GRIP1: variants seen among roughly 807,000 people sequenced by gnomAD.
GRIP1 encodes glutamate receptor-interacting protein 1.
Under a neutral mutation model 129.9 loss-of-function variants are expected in GRIP1, and 45 were observed. The ratio of observed to expected loss-of-function variants is 0.35; its 90% confidence interval spans 0.27 to 0.44. GRIP1 has a LOEUF of 0.44. Ranked by LOEUF, GRIP1 falls within the 20% of genes least tolerant of loss-of-function variation. GRIP1 has a pLI of 1.00. For synonymous variants in GRIP1, 530 were observed against 520.8 expected (o/e 1.02, Z -0.24); for missense variants, 1,196 against 1,396.8 (o/e 0.86, Z 2.29).
At chr12:66,971,947 G>A (rs995341118) in intron 1 of GRIP1, among the ~76,000 whole-genome samples, 2 of 152,114 alleles carry the variant, frequency 1.3e-5, no homozygotes, top group African/African-American at 4.8e-5. Context: ...CAGAAGAGTG[G>A]GAGAGAATAA....
At chr12:67,015,494 C>T (rs1307605969) in intron 1 of GRIP1, among the ~76,000 whole-genome samples, 1 of 152,092 alleles carries the variant, frequency 6.6e-6, no homozygotes, top group Non-Finnish European at 1.5e-5. Flanking sequence ...ACAACTTGGG[C>T]CTGGTGAACT....
At chr12:67,056,992 G>A (rs2043447974) in intron 1 of GRIP1, among the ~76,000 whole-genome samples, 1 of 152,030 alleles carries the variant, frequency 6.6e-6, no homozygotes, top group Non-Finnish European at 1.5e-5. Flanking sequence ...TATATGTTTA[G>A]TAGAGACAGG....
chr12:66,735,765 C>A (rs542023853), intron 1 of GRIP1, among the ~76,000 whole-genome samples: 1 of 152,056 alleles, frequency 6.6e-6, no homozygotes, highest in South Asian at 2.1e-4. Flanking sequence ...TCATAAGTGG[C>A]GGGACTTCCA....
chr12:66,892,560 A>T (rs2040678615), intron 1 of GRIP1, among the ~76,000 whole-genome samples: 2 of 150,624 alleles, frequency 1.3e-5, no homozygotes, highest in South Asian at 4.2e-4. Context: ...TCAGGAGTCT[A>T]CCACTCTTTT....
intron 7 of GRIP1, among the ~76,000 whole-genome samples, chr12:66,481,284 A>G (rs10878436): frequency 0.43 from 39,743 of 92,810 alleles, 5,471 homozygotes; most frequent in Middle Eastern, 0.58. Context: ...AAAAGTGGGC[A>G]AAGGATATGA....
chr12:66,614,656 CCCAGCTTAAAGTTCCCCAGGGGCTT>C (rs1289950646), intron 1 of GRIP1, among the ~76,000 whole-genome samples: 1 of 152,078 alleles, frequency 6.6e-6, no homozygotes, highest in East Asian at 1.9e-4. Context: ...CACAGTACTT[CCCAGCTTAAAGTTCCCCAGGGGCTT>C]CCATTATACT....
At chr12:66,391,614 G>T (rs1439461688) in intron 19 of GRIP1, among the ~76,000 whole-genome samples, 1 of 152,186 alleles carries the variant, frequency 6.6e-6, no homozygotes, top group African/African-American at 2.4e-5. Context: ...CACTTTGGGA[G>T]GCCAAGATGG....
intron 2 of GRIP1, among the ~76,000 whole-genome samples, chr12:66,556,078 T>C (rs1471376396): frequency 1.3e-5 from 2 of 152,076 alleles, no homozygotes; most frequent in African/African-American, 4.8e-5. Context: ...AAAAAGGTTA[T>C]AGAACACCAA....
chr12:67,049,165 A>C (rs934339685), intron 1 of GRIP1, among the ~76,000 whole-genome samples: 8 of 152,132 alleles, frequency 5.3e-5, no homozygotes, highest in Non-Finnish European at 1.2e-4. Flanking sequence ...TCATATATGC[A>C]TACTGTTTTG....
intron 1 of GRIP1, among the ~76,000 whole-genome samples, chr12:66,930,055 C>CTCT (rs67075541): frequency 9.5e-4 from 122 of 128,752 alleles, no homozygotes; most frequent in Non-Finnish European, 1.6e-3. Context: ...CTCTCTCTCT[C>CTCT]TTTTTTTTTT....
intron 1 of GRIP1, among the ~76,000 whole-genome samples, chr12:66,830,332 G>T (rs949857207): frequency 6.6e-6 from 1 of 152,124 alleles, no homozygotes; most frequent in Non-Finnish European, 1.5e-5. Context: ...ACCTAGATGG[G>T]CCCAAGGTAA....
intron 1 of GRIP1, among the ~76,000 whole-genome samples, chr12:66,744,036 T>C (rs1001683035): frequency 1.3e-5 from 2 of 152,178 alleles, no homozygotes; most frequent in African/African-American, 4.8e-5. Flanking sequence ...GTGTCTTAAT[T>C]AAAATATTAT....
intron 1 of GRIP1, among the ~76,000 whole-genome samples, chr12:66,916,651 G>C (rs1158721796): frequency 6.6e-6 from 1 of 151,294 alleles, no homozygotes; most frequent in African/African-American, 2.5e-5. Context: ...AGGTTTCTTA[G>C]GGGGGTTAAA....
chr12:66,767,711 C>G (rs2037688258), intron 1 of GRIP1, among the ~76,000 whole-genome samples: 1 of 152,148 alleles, frequency 6.6e-6, no homozygotes. Context: ...AGAAGACAAG[C>G]AAATAATTTA....
At chr12:67,022,264 A>G (rs183010342) in intron 1 of GRIP1, among the ~76,000 whole-genome samples, 69 of 152,264 alleles carry the variant, frequency 4.5e-4, no homozygotes, top group Admixed American at 1.8e-3. Flanking sequence ...GAAACTCCAT[A>G]CCATTCTTTA....
intron 5 of GRIP1, among the ~76,000 whole-genome samples, chr12:66,526,379 T>A (rs1292039622): frequency 6.6e-6 from 1 of 152,180 alleles, no homozygotes; most frequent in Non-Finnish European, 1.5e-5. Flanking sequence ...ATGCTGCATG[T>A]CTACAACCAT....
intron 1 of GRIP1, among the ~76,000 whole-genome samples, chr12:66,921,461 A>G (rs946837348): frequency 1.3e-5 from 2 of 152,132 alleles, no homozygotes; most frequent in Non-Finnish European, 2.9e-5. Flanking sequence ...CTTGTTCTTT[A>G]CTTCTATTAA....
intron 1 of GRIP1, among the ~76,000 whole-genome samples, chr12:66,725,909 C>A (rs181900474): frequency 8.0e-4 from 122 of 152,234 alleles, no homozygotes; most frequent in Non-Finnish European, 1.4e-3. Context: ...ATTCAATAAA[C>A]CCCTTCTTTT....
At chr12:66,388,977 G>T (rs1439551295) in intron 19 of GRIP1, among the ~76,000 whole-genome samples, 1 of 152,138 alleles carries the variant, frequency 6.6e-6, no homozygotes, top group Non-Finnish European at 1.5e-5. Flanking sequence ...AAGAAGGAGA[G>T]AACAGTAAGG....
Sources: gnomAD v4.1 joint callset for allele counts (sites outside exome capture counted in the v4.1 genomes callset) on GRCh38, gnomAD v4.1.1 for gene constraint, MANE v1.5 for transcripts, NCBI Gene and HGNC (gene_info 2026-07-23, HGNC 2026-07-21) for gene names.